Variants in PCDHA3 observed in about 807,000 individuals in gnomAD.
PCDHA3 encodes protocadherin alpha-3.
Under a neutral mutation model 62.2 loss-of-function variants are expected in PCDHA3, and 41 were observed. The ratio of observed to expected loss-of-function variants is 0.66; its 90% CI spans 0.51 to 0.86. The LOEUF (loss-of-function observed/expected upper bound fraction) is 0.86. Among genes scored for constraint, PCDHA3 ranks in the 40% least tolerant of loss-of-function variants. The pLI, the probability that PCDHA3 is intolerant of heterozygous loss-of-function variation, is 0.00. For synonymous variants in PCDHA3, 640 were observed against 555.4 expected, an observed-to-expected ratio of 1.15 and a Z score of -2.14; for missense variants, 1,304 against 1,241.2, an observed-to-expected ratio of 1.05 and a Z score of -0.76.
intron 1 of PCDHA3, chr5:140,883,740 C>A: frequency 6.2e-7 from 1 of 1,613,368 alleles, no homozygotes; most frequent in Non-Finnish European, 8.5e-7. Context: ...GCGCTGGTCT[C>A]CTACTCGCTG....
chr5:140,857,375 G>C, intron 1 of PCDHA3: 1 of 1,598,360 alleles, frequency 6.3e-7, no homozygotes. Flanking sequence ...CGTGTCTGTG[G>C]AGGTGGCCGA....
intron 1 of PCDHA3, chr5:140,849,633 G>A: frequency 6.3e-7 from 1 of 1,598,806 alleles, no homozygotes; most frequent in African/African-American, 1.3e-5. Flanking sequence ...CCTAGACGCA[G>A]ATGCCAACGG....
At chr5:140,809,556 A>G (rs782462557) in intron 1 of PCDHA3, 2 of 1,610,614 alleles carry the variant, frequency 1.2e-6, no homozygotes, top group South Asian at 1.1e-5. Flanking sequence ...CAGACAACTG[A>G]GGAATCCTTT....
At chr5:140,838,065 T>TTA (rs144773480) in intron 1 of PCDHA3, among the ~76,000 whole-genome samples, 9 of 113,460 alleles carry the variant, frequency 7.9e-5, no homozygotes, top group Non-Finnish European at 1.3e-4. Context: ...CCACTTTAAG[T>TTA]TATATATATA....
intron 1 of PCDHA3, chr5:140,834,610 A>C: frequency 5.0e-6 from 8 of 1,614,064 alleles, no homozygotes; most frequent in Non-Finnish European, 6.8e-6. Context: ...GATCTTCTGG[A>C]GGTAAATCTG....
At chr5:140,861,401 G>T in intron 1 of PCDHA3, 1 of 465,630 alleles carries the variant, frequency 2.1e-6, no homozygotes, top group Non-Finnish European at 4.4e-6. Flanking sequence ...TGGAGCTTGT[G>T]GAGCTGATAC....
At chr5:140,869,134 A>T (rs781973798) in intron 1 of PCDHA3, 3 of 1,612,182 alleles carry the variant, frequency 1.9e-6, no homozygotes, top group Non-Finnish European at 2.5e-6. Context: ...GGGATTGGGC[A>T]CCCCACGACT....
chr5:140,849,923 G>C, intron 1 of PCDHA3: 3 of 1,598,322 alleles, frequency 1.9e-6, no homozygotes, highest in Non-Finnish European at 2.6e-6. Context: ...ACATCTTCAC[G>C]GTGTCTGCGC....
At chr5:140,834,093 G>A (rs1772786951) in intron 1 of PCDHA3, among the ~76,000 whole-genome samples, 1 of 152,132 alleles carries the variant, frequency 6.6e-6, no homozygotes, top group Non-Finnish European at 1.5e-5. Flanking sequence ...TAACAACAAT[G>A]AAGAAAAAAA....
At chr5:140,908,493 G>A (rs545927854) in intron 1 of PCDHA3, among the ~76,000 whole-genome samples, 1 of 152,152 alleles carries the variant, frequency 6.6e-6, no homozygotes, top group African/African-American at 2.4e-5. Flanking sequence ...AGTTCAGGTT[G>A]CTTGGTGACT....
intron 1 of PCDHA3, chr5:140,850,108 G>C (rs2150467680): frequency 6.3e-7 from 1 of 1,596,108 alleles, no homozygotes; most frequent in East Asian, 2.2e-5. Context: ...GTGAGCGCGC[G>C]CGACGCGGGC....
intron 1 of PCDHA3, chr5:140,884,580 C>G: frequency 6.2e-7 from 1 of 1,614,150 alleles, no homozygotes; most frequent in Non-Finnish European, 8.5e-7. Context: ...GACCTCATGG[C>G]CTTCAGTCCC....
chr5:140,870,845 C>T lies in PCDHA3; in HGVS notation c.2394+67254C>T, dbSNP rs782454963. ...GGAGGCGCAGTTAACAAGCTAGTAC[C>T]GCGGTCGGTGGGTGCGGGCCACGTG... On this transcript the variant is annotated intron_variant, in intron 1 of 3. Transcript: ENST00000522353. The T allele has an allele frequency of 5.0e-6, 8 of 1,613,718 alleles. No individual in the cohort carries two copies. The highest frequency in any genetic ancestry group is 6.8e-6 in the Non-Finnish European group (8 of 1,179,896).
In PCDHA3 at chr5:140,877,407, C is replaced by G. The variant is rs1554169686; in HGVS notation, c.2394+73816C>G. The G allele has an allele frequency of 1.2e-6, 2 of 1,613,824 alleles. No individual in the cohort carries two copies. The highest frequency in any genetic ancestry group is 2.7e-5 in the African/African-American group (2 of 74,928). On this transcript the variant is annotated intron_variant, in intron 1 of 3. Coordinates refer to ENST00000522353, the MANE Select transcript of PCDHA3 (RefSeq NM_018906.3). ...TGGATGAGGCGGACGCTCCGCGCCA[C>G]CGCCTGCTGGTGCTGGTGAAGGACC...
chr5:140,973,242 ATTC>A (rs1295527172), intron 1 of PCDHA3, among the ~76,000 whole-genome samples: 1 of 152,170 alleles, frequency 6.6e-6, no homozygotes, highest in Non-Finnish European at 1.5e-5. Context: ...GAAAGAGTTA[ATTC>A]TTCTTTCAGT....
At chr5:140,877,209 G>C in intron 1 of PCDHA3, 1 of 1,613,794 alleles carries the variant, frequency 6.2e-7, no homozygotes, top group African/African-American at 1.3e-5. Context: ...CAGTTAGCGA[G>C]TTGGTACCGC....
Position 140,853,937 on chromosome 5 carries a change from G to T in PCDHA3, c.2394+50346G>T, listed in dbSNP as rs367556947. The T allele has an allele frequency of 1.7e-4, 142 of 835,446 alleles. 8 individuals carry two copies. The highest frequency in any genetic ancestry group is 1.9e-4 in the Non-Finnish European group (128 of 679,266). 51.8% of individuals were successfully genotyped at this position (835,446 alleles called of 1,614,324 possible). A position where few individuals can be genotyped will look rare whatever the true frequency, so the allele number is the denominator to read the frequency against. On this transcript the variant is annotated intron_variant, in intron 1 of 3. Coordinates refer to ENST00000522353, the MANE Select transcript of PCDHA3 (RefSeq NM_018906.3). ...CAATCCCAACATTTTGGGAGGCCAA[G>T]GTGGGAGGGTCCCTTCCTTGAGCCC...
chr5:140,862,977 T>A, intron 1 of PCDHA3: 1 of 545,432 alleles, frequency 1.8e-6, no homozygotes, highest in East Asian at 4.8e-5. Context: ...GGCCACTTGG[T>A]GGCGAAGGTG....
intron 1 of PCDHA3, among the ~76,000 whole-genome samples, chr5:140,904,259 C>T (rs2070990539): frequency 6.6e-6 from 1 of 152,066 alleles, no homozygotes. Context: ...GCTTAGCTCC[C>T]ACTTATGAAT....
Sources: allele counts gnomAD v4.1 joint callset (sites outside exome capture counted in the v4.1 genomes callset), GRCh38; gene constraint gnomAD v4.1.1; transcripts MANE v1.5; gene names NCBI Gene and HGNC (gene_info 2026-07-23, HGNC 2026-07-21).